Variants in NID1 observed in about 807,000 individuals in gnomAD.
NID1 encodes nidogen-1.
A neutral mutation model predicts 130.6 loss-of-function variants in NID1; 76 were observed. The observed-to-expected ratio is 0.58, with a 90% CI of 0.48 to 0.70. The LOEUF (loss-of-function observed/expected upper bound fraction) is 0.70. NID1 is among the 30% of genes least tolerant of loss of function. NID1 has a pLI of 0.00. For synonymous variants in NID1, 665 were observed against 675.1 expected, an observed-to-expected ratio of 0.98 and a Z score of 0.23; for missense variants, 1,517 against 1,664.8, an observed-to-expected ratio of 0.91 and a Z score of 1.54.
intron 9 of NID1, among the ~76,000 whole-genome samples, chr1:236,019,113 C>T (rs1020523852): frequency 2.0e-5 from 3 of 152,240 alleles, no homozygotes; most frequent in Non-Finnish European, 2.9e-5. Flanking sequence ...CAGGACTGAA[C>T]CAGGCACTGC....
chr1:236,024,186 G>A lies in NID1; in HGVS notation c.2012C>T (p.Pro671Leu), dbSNP rs1658857335. The part of the protein sequence containing the change: ...REGSPDALQN[P>L]CYIGTHGCDT... The stretch of plus-strand genomic sequence containing the variant: ...ACACCCATGAGTGCCGATGTAGCAG[G>A]GATTCTGAAGAGCATCAGGGGAGCC... Residue 671 changes from proline to leucine, a missense_variant, in exon 9 of 20, where the codon CCC becomes CTC. By Grantham distance (98) the Pro-to-Leu change is moderately conservative. This residue lies in a region of NID1 where 1,329 missense variants were observed against 1,429.2 expected (regional missense o/e 0.93). Transcript: ENST00000264187. 2.5e-6 allele frequency: 4 copies of A among 1,614,116 alleles called. No homozygotes were observed. The highest frequency in any genetic ancestry group is 2.2e-5 in the South Asian group (2 of 91,092).
chr1:235,993,062 G>A (rs543790389), intron 13 of NID1, among the ~76,000 whole-genome samples: 4 of 152,214 alleles, frequency 2.6e-5, no homozygotes, highest in Non-Finnish European at 4.4e-5. Context: ...CACTGCCTCC[G>A]GTGATGGTCT....
intron 4 of NID1, 119 bp downstream of exon 4, chr1:236,041,791 A>C (rs923706325): frequency 1.5e-6 from 2 of 1,323,384 alleles, no homozygotes; most frequent in Non-Finnish European, 2.1e-6. Context: ...CTACTTTCCC[A>C]AGCTCTTATC....
intron 12 of NID1, among the ~76,000 whole-genome samples, chr1:236,005,926 AG>A (rs1482898698): frequency 6.6e-6 from 1 of 152,232 alleles, no homozygotes; most frequent in Non-Finnish European, 1.5e-5. Flanking sequence ...CTAAACCCAA[AG>A]GAAGAATTTA....
At chr1:236,044,730 A>G (rs981190730) in intron 3 of NID1, among the ~76,000 whole-genome samples, 8 of 152,242 alleles carry the variant, frequency 5.3e-5, no homozygotes, top group Non-Finnish European at 1.0e-4. Context: ...TCAAAATCCA[A>G]TTTGGGCTTT....
chr1:236,011,572 G>A (rs766677543), intron 12 of NID1, among the ~76,000 whole-genome samples: 18 of 152,050 alleles, frequency 1.2e-4, no homozygotes, highest in Non-Finnish European at 2.2e-4. Flanking sequence ...TAAAGTATTG[G>A]GATTATAGGC....
chr1:236,038,830 A>G lies in NID1; in HGVS notation c.1136-577T>C, dbSNP rs972728838. ...ATATATTACCTATGTTATATAGGTC[A>G]TATATAATAAATATTACCTATGTTA... On this transcript the variant is annotated intron_variant, in intron 4 of 19. Transcript: ENST00000264187. Among the ~76,000 whole-genome samples the G allele has an allele frequency of 4.7e-5, 6 of 127,562 alleles. 1 individual carries two copies. In the South Asian group the frequency reaches 1.5e-3, roughly 33 times the overall value. The allele number at this position is 127,562 out of a possible 152,430, so 83.7% of individuals were successfully genotyped here.
chr1:236,010,682 T>C (rs1658385525), intron 12 of NID1, among the ~76,000 whole-genome samples: 3 of 152,228 alleles, frequency 2.0e-5, no homozygotes, highest in Admixed American at 2.0e-4. Flanking sequence ...AAAGCAGCCA[T>C]AGACTATACA....
intron 17 of NID1, 22 bp downstream of exon 17, chr1:235,980,474 A>C (rs1165298275): frequency 6.2e-7 from 1 of 1,613,572 alleles, no homozygotes; most frequent in Admixed American, 1.7e-5. Context: ...CCCGCCCTGG[A>C]CAGTGTCCAG....
intron 12 of NID1, among the ~76,000 whole-genome samples, chr1:235,995,364 T>TG (rs1252613170): frequency 6.6e-6 from 1 of 152,206 alleles, no homozygotes. Flanking sequence ...ACCTGTGGAT[T>TG]GGTATCTTCA....
chr1:236,006,324 G>A (rs61833487), intron 12 of NID1, among the ~76,000 whole-genome samples: 25 of 152,212 alleles, frequency 1.6e-4, no homozygotes, highest in Non-Finnish European at 3.7e-4. Flanking sequence ...ATCATCAATA[G>A]CTCCTAACAT....
chr1:235,991,419 G>A (rs1163817567), intron 13 of NID1, among the ~76,000 whole-genome samples: 1 of 152,032 alleles, frequency 6.6e-6, no homozygotes, highest in Non-Finnish European at 1.5e-5. Context: ...TGCAACCTCT[G>A]CCTGCCTGGT....
chr1:236,003,893 C>T (rs566973607), intron 12 of NID1, among the ~76,000 whole-genome samples: 61 of 151,850 alleles, frequency 4.0e-4, no homozygotes, highest in South Asian at 3.6e-3. Context: ...AATAGCCAAG[C>T]GTGGTGGCAC....
chr1:235,993,332 C>T lies in NID1; in HGVS notation c.2755+313G>A, dbSNP rs536770416. Among the ~76,000 whole-genome samples the T allele has an allele frequency of 5.1e-4, 78 of 152,344 alleles. 1 individual carries two copies. The South Asian group carries it at 0.014, about 27-fold the overall frequency. The stretch of plus-strand genomic sequence containing the variant: ...TCTTCTGGGAGGCCTGGAGCACACA[C>T]AGCCGCTCTGCTACCATTACAGGTA... On this transcript the variant is annotated intron_variant, in intron 13 of 19. Transcript: ENST00000264187.
At chr1:236,057,173 C>T (rs1659918275) in intron 1 of NID1, among the ~76,000 whole-genome samples, 1 of 151,730 alleles carries the variant, frequency 6.6e-6, no homozygotes, top group Non-Finnish European at 1.5e-5. Flanking sequence ...GCAGGAGAAT[C>T]GCTTGAACCC....
Position 236,060,117 on chromosome 1 carries a change from A to G in NID1, c.225+4738T>C, listed in dbSNP as rs11808598. Among the ~76,000 whole-genome samples, 854 of 151,924 alleles carry G rather than the reference A, an allele frequency of 5.6e-3. 10 individuals carry two copies. The highest frequency in any genetic ancestry group is 0.019 in the African/African-American group (796 of 41,424). ...CAGTCTCAAAAAAAAAAAAAAAAAA[A>G]AAGAATTGTTACTCCATAGACAGAG... On this transcript the variant is annotated intron_variant, in intron 1 of 19. Transcript: ENST00000264187.
chr1:235,981,336 A>G (rs1049990088), intron 16 of NID1, among the ~76,000 whole-genome samples: 1 of 152,156 alleles, frequency 6.6e-6, no homozygotes, highest in African/African-American at 2.4e-5. Flanking sequence ...ATCCACATTG[A>G]AGCCATATGG....
chr1:236,023,855 C>T (rs1658841277), intron 9 of NID1, among the ~76,000 whole-genome samples: 1 of 152,216 alleles, frequency 6.6e-6, no homozygotes, highest in East Asian at 1.9e-4. Context: ...GAATTCTACT[C>T]TGCTGCTTAA....
intron 13 of NID1, among the ~76,000 whole-genome samples, chr1:235,991,812 T>C (rs1419055638): frequency 1.3e-5 from 2 of 152,208 alleles, no homozygotes; most frequent in East Asian, 3.8e-4. Flanking sequence ...ATTGAGCTTT[T>C]CCATGCTGGA....
Sources: gnomAD v4.1 joint callset for allele counts (sites outside exome capture counted in the v4.1 genomes callset) on GRCh38, gnomAD v4.1.1 for gene constraint, gnomAD v4.1.1 regional missense constraint, MANE v1.5 for transcripts, NCBI Gene and HGNC (gene_info 2026-07-23, HGNC 2026-07-21) for gene names.